The following FRMD6 variants were observed in gnomAD, a reference collection of about 807,000 sequenced individuals.
The protein encoded by FRMD6 is FERM domain-containing protein 6.
A neutral mutation model predicts 73.2 loss-of-function variants in FRMD6; 37 were observed. The ratio of observed to expected loss-of-function variants is 0.51; its 90% CI spans 0.39 to 0.66. The LOEUF is 0.66. Ranked by LOEUF, FRMD6 falls within the 30% of genes least tolerant of loss-of-function variation. The probability of loss-of-function intolerance (pLI) is 0.00; values close to 1 mark genes in which losing one functional copy is unlikely to be tolerated. For missense variants in FRMD6, 714 were observed against 780.5 expected (o/e 0.91, Z 1.02); for synonymous variants, 273 against 282.2 (o/e 0.97, Z 0.33).
chr14:51,509,774 C>T (rs541104607), intron 1 of FRMD6, among the ~76,000 whole-genome samples: 1 of 152,016 alleles, frequency 6.6e-6, no homozygotes, highest in South Asian at 2.1e-4. Flanking sequence ...TTACAGGCAC[C>T]TGCCACCACG....
At chr14:51,668,868 C>T (rs10151001) in intron 1 of FRMD6, among the ~76,000 whole-genome samples, 338 of 151,720 alleles carry the variant, frequency 2.2e-3, no homozygotes, top group African/African-American at 7.7e-3. Context: ...GGGGTTTCAC[C>T]GTGTTGGCCA....
chr14:51,445,590 G>T, the FRMD6 span, among the ~76,000 whole-genome samples: 2 of 152,036 alleles, frequency 1.3e-5, no homozygotes, highest in South Asian at 4.2e-4. Flanking sequence ...AGGTCCAAAA[G>T]GATTAGGAGA....
intron 1 of FRMD6, among the ~76,000 whole-genome samples, chr14:51,516,063 C>T (rs953195633): frequency 1.3e-5 from 2 of 152,140 alleles, no homozygotes; most frequent in Non-Finnish European, 2.9e-5. Flanking sequence ...TTAACTTCAT[C>T]TCCAAGTTCT....
intron 1 of FRMD6, among the ~76,000 whole-genome samples, chr14:51,520,923 T>TA (rs1466201580): frequency 6.6e-6 from 1 of 151,372 alleles, no homozygotes; most frequent in Admixed American, 6.6e-5. Context: ...AATACGTAAA[T>TA]AAAAAAAATA....
intron 7 of FRMD6, among the ~76,000 whole-genome samples, chr14:51,711,252 C>T (rs1015389242): frequency 1.3e-5 from 2 of 152,070 alleles, no homozygotes; most frequent in Non-Finnish European, 2.9e-5. Flanking sequence ...AGAATATTGT[C>T]AGATACAAAA....
chr14:51,431,434 C>A, the FRMD6 span, among the ~76,000 whole-genome samples: 1 of 152,158 alleles, frequency 6.6e-6, no homozygotes, highest in Admixed American at 6.5e-5. Context: ...CACAGTACTA[C>A]CCGGTACAGA....
intron 1 of FRMD6, among the ~76,000 whole-genome samples, chr14:51,539,648 T>C (rs1349285617): frequency 6.6e-6 from 1 of 152,110 alleles, no homozygotes; most frequent in Non-Finnish European, 1.5e-5. Context: ...AATGTGATTG[T>C]CTGGGAGAGC....
the FRMD6 span, among the ~76,000 whole-genome samples, chr14:51,400,939 T>C: frequency 6.6e-6 from 1 of 152,246 alleles, no homozygotes; most frequent in Non-Finnish European, 1.5e-5. Context: ...TTGAAAGTAA[T>C]GCAGCATTAA....
intron 2 of FRMD6, among the ~76,000 whole-genome samples, chr14:51,645,977 C>T (rs1892047882): frequency 6.6e-6 from 1 of 152,066 alleles, no homozygotes; most frequent in Non-Finnish European, 1.5e-5. Flanking sequence ...GTTCACCCCT[C>T]CCACTGTTCC....
intron 2 of FRMD6, chr14:51,570,511 C>G (rs537089373): frequency 3.2e-4 from 49 of 152,282 alleles, no homozygotes; most frequent in African/African-American, 1.2e-3. Flanking sequence ...GATCTCTGGA[C>G]TGTAATCTGG....
In FRMD6 at chr14:51,728,035, G is replaced by A. The variant is rs375396408; in HGVS notation, c.*6G>A. The stretch of plus-strand genomic sequence containing the variant: ...TTCCAGAGTTTGTTGTGTAAAGTCC[G>A]TCTGTGTGCAGCTGTACAGGCAGCT... On this transcript the variant is annotated 3_prime_UTR_variant, in exon 14 of 14. Coordinates refer to ENST00000344768, the MANE Select transcript of FRMD6 (RefSeq NM_001267046.2). 98 of 1,602,144 alleles carry A rather than the reference G, an allele frequency of 6.1e-5. No homozygotes were observed. Among genetic ancestry groups the A allele is most frequent in the Middle Eastern group, 1.8e-4 (1 of 5,466 alleles).
intron 2 of FRMD6, among the ~76,000 whole-genome samples, chr14:51,621,582 A>C (rs1467528): frequency 6.6e-6 from 1 of 152,014 alleles, no homozygotes; most frequent in Non-Finnish European, 1.5e-5. Context: ...CAGAGAGGAC[A>C]ACATTTACTG....
At chr14:51,507,729 GTGTT>G (rs1333998970) in intron 1 of FRMD6, among the ~76,000 whole-genome samples, 1 of 151,556 alleles carries the variant, frequency 6.6e-6, no homozygotes, top group Non-Finnish European at 1.5e-5. Flanking sequence ...TCCAGAGTGA[GTGTT>G]TGTTGAAAAC....
intron 2 of FRMD6, among the ~76,000 whole-genome samples, chr14:51,604,278 A>T (rs1426893001): frequency 6.6e-6 from 1 of 152,112 alleles, no homozygotes; most frequent in South Asian, 2.1e-4. Context: ...AGATTCCAAG[A>T]TGTGTAAGAT....
chr14:51,715,111 A>G (rs1182379660), intron 9 of FRMD6: 3 of 395,484 alleles, frequency 7.6e-6, no homozygotes, highest in Non-Finnish European at 1.3e-5. Flanking sequence ...TTACTGACAG[A>G]CCCTTGTGGC....
At position 51,610,527 on chromosome 14, in the gene FRMD6, A is replaced by T. The variant is rs190780841; in HGVS notation, c.-147+40117A>T. Among the ~76,000 whole-genome samples, 144 of 152,268 alleles carry T rather than the reference A, an allele frequency of 9.5e-4. 1 individual carries two copies. The highest frequency in any genetic ancestry group is 3.4e-3 in the Middle Eastern group (1 of 294). ...GAAGGAAAAATTGAAGGGGTTAAAA[A>T]TGGGAAAAGATTAGAACCAGGATCC... On this transcript the variant is annotated intron_variant, in intron 2 of 14. Transcript: ENST00000356218.
intron 2 of FRMD6, among the ~76,000 whole-genome samples, chr14:51,593,869 A>G (rs1889546741): frequency 6.6e-6 from 1 of 152,138 alleles, no homozygotes; most frequent in East Asian, 1.9e-4. Context: ...ACACACATAT[A>G]TATGTATATA....
chr14:51,522,531 A>T (rs1382905924), intron 1 of FRMD6, among the ~76,000 whole-genome samples: 3 of 152,294 alleles, frequency 2.0e-5, no homozygotes, highest in East Asian at 3.9e-4. Context: ...CAACATAATG[A>T]AAATGCCTGT....
the FRMD6 span, among the ~76,000 whole-genome samples, chr14:51,413,234 T>C: frequency 1.1e-4 from 16 of 152,300 alleles, no homozygotes; most frequent in African/African-American, 3.4e-4. Flanking sequence ...TAGGTATGCA[T>C]GTGCCATGTT....
Sources: gnomAD v4.1 joint callset for allele counts (sites outside exome capture counted in the v4.1 genomes callset) on GRCh38, gnomAD v4.1.1 for gene constraint, MANE v1.5 for transcripts, NCBI Gene and HGNC (gene_info 2026-07-23, HGNC 2026-07-21) for gene names.